FREM3: variants seen among roughly 807,000 people sequenced by gnomAD.
The protein encoded by FREM3 is FRAS1-related extracellular matrix protein 3.
A neutral mutation model predicts 129.1 loss-of-function variants in FREM3; 105 were observed. The observed-to-expected ratio is 0.81, with a 90% CI of 0.69 to 0.96. FREM3 has a LOEUF of 0.96. Among genes scored for constraint, FREM3 ranks in the 40% least tolerant of loss-of-function variants. The probability of loss-of-function intolerance (pLI) is 0.00; values close to 1 mark genes in which losing one functional copy is unlikely to be tolerated. For synonymous variants in FREM3, 1,014 were observed against 1,044.9 expected, an observed-to-expected ratio of 0.97 and a Z score of 0.57; for missense variants, 2,593 against 2,666.3, an observed-to-expected ratio of 0.97 and a Z score of 0.61.
intron 7 of FREM3, among the ~76,000 whole-genome samples, chr4:143,580,627 A>G (rs1738113011): frequency 6.6e-6 from 1 of 152,080 alleles, no homozygotes; most frequent in Admixed American, 6.5e-5. Flanking sequence ...GGACTGCACA[A>G]CTTGCCTCCA....
chr4:143,609,960 G>T (rs1326036682), intron 6 of FREM3, among the ~76,000 whole-genome samples: 3 of 151,990 alleles, frequency 2.0e-5, no homozygotes, highest in Non-Finnish European at 4.4e-5. Flanking sequence ...TGGTTTAACA[G>T]AAAATATATA....
At chr4:143,594,795 C>T (rs1738438346) in intron 6 of FREM3, among the ~76,000 whole-genome samples, 1 of 152,186 alleles carries the variant, frequency 6.6e-6, no homozygotes, top group South Asian at 2.1e-4. Flanking sequence ...TATTGAGCAT[C>T]AGGAGATCTG....
chr4:143,606,702 A>G (rs1455014437), intron 6 of FREM3, among the ~76,000 whole-genome samples: 1 of 152,128 alleles, frequency 6.6e-6, no homozygotes, highest in Non-Finnish European at 1.5e-5. Context: ...ACCACTTAGT[A>G]CATTTAGCTT....
intron 6 of FREM3, among the ~76,000 whole-genome samples, chr4:143,591,308 T>C (rs893797031): frequency 5.1e-4 from 77 of 152,336 alleles, no homozygotes; most frequent in African/African-American, 1.8e-3. Context: ...CTCTTGCTTC[T>C]CTAGTTCTTT....
In FREM3 at chr4:143,696,845, C is replaced by T; in HGVS notation, c.3831G>A (p.Glu1277=). The change falls in exon 1 of 8, where the codon GAG becomes GAA. Residue 1277 remains glutamate (E), a synonymous_variant. Transcript: ENST00000329798. ...CACTCAGCCAGACCTCAAAACTGTC[C>T]TCTTTTGTCTCTGAGTCATCATGCT... is the stretch of plus-strand genomic sequence containing the variant. ...VYEHDDSETK[E]DSFEVWLSDG... 1 of 1,537,682 alleles carries T rather than the reference C, an allele frequency of 6.5e-7. No homozygotes were observed. The highest frequency in any genetic ancestry group is 8.7e-7 in the Non-Finnish European group (1 of 1,147,014).
At chr4:143,583,479 A>G (rs568121702) in intron 7 of FREM3, among the ~76,000 whole-genome samples, 2 of 152,248 alleles carry the variant, frequency 1.3e-5, no homozygotes, top group South Asian at 4.1e-4. Flanking sequence ...ATACTGTATA[A>G]GACAACTATC....
At chr4:143,616,819 G>C (rs1381408950) in intron 5 of FREM3, among the ~76,000 whole-genome samples, 2 of 150,342 alleles carry the variant, frequency 1.3e-5, no homozygotes, top group Non-Finnish European at 2.9e-5. Context: ...AAAGAAAAAA[G>C]AATCATCTGT....
At chr4:143,589,223 G>C (rs1297967518) in intron 6 of FREM3, among the ~76,000 whole-genome samples, 1 of 152,140 alleles carries the variant, frequency 6.6e-6, no homozygotes, top group Admixed American at 6.5e-5. Context: ...TTCTTTTGCT[G>C]TGCAGAAGTT....
Position 143,700,245 on chromosome 4 carries a change from C to T in FREM3, c.431G>A (p.Arg144His), listed in dbSNP as rs778722454. ...CAGAGTGTGAGTCGGGGCGTCGTAG[C>T]GCAGCTGCAGCAGCACCCGGGCGCG... ...PGRARVLLQL[R>H]YDAPTHTLVL... Residue 144 changes from arginine to histidine, a missense_variant, in exon 1 of 8, where the codon CGC (arginine) becomes CAC (histidine). Arg to His is a conservative substitution (Grantham distance 29). Transcript: ENST00000329798. The T allele has an allele frequency of 6.5e-7, 1 of 1,536,510 alleles. No individual in the cohort carries two copies. The highest frequency in any genetic ancestry group is 8.7e-7 in the Non-Finnish European group (1 of 1,146,872).
In FREM3 at chr4:143,660,582, C is replaced by T. The variant is rs1192814949; in HGVS notation, c.5275+32531G>A. Among the ~76,000 whole-genome samples the T allele has an allele frequency of 3.3e-5, 5 of 152,058 alleles. No homozygotes were observed. The East Asian group carries it at 9.6e-4, about 29-fold the overall frequency. Reference sequence around the variant, plus strand: ...GGCGATGCGGGCTCTTTTTTGGTTCCATGTGAACTTTAAAGTAGTTTTTTC... The same window carrying T: ...GGCGATGCGGGCTCTTTTTTGGTTCTATGTGAACTTTAAAGTAGTTTTTTC... On this transcript the variant is annotated intron_variant, in intron 2 of 7. Transcript: ENST00000329798.
intron 5 of FREM3, among the ~76,000 whole-genome samples, chr4:143,611,851 G>A (rs1578834030): frequency 6.6e-6 from 1 of 152,144 alleles, no homozygotes; most frequent in Non-Finnish European, 1.5e-5. Context: ...GAAAACTGAG[G>A]TGTAGTAAAA....
intron 2 of FREM3, among the ~76,000 whole-genome samples, chr4:143,663,276 C>T (rs569904907): frequency 0.026 from 3,889 of 152,034 alleles, 169 homozygotes; most frequent in African/African-American, 0.088. Flanking sequence ...TAGGGCAGGC[C>T]TGGTGGTGAC....
At chr4:143,618,181 A>T (rs953764226) in intron 5 of FREM3, among the ~76,000 whole-genome samples, 1 of 152,114 alleles carries the variant, frequency 6.6e-6, no homozygotes, top group Non-Finnish European at 1.5e-5. Flanking sequence ...GTCAGCTAGG[A>T]TGGAGGAGTG....
chr4:143,641,763 C>G (rs1354662367), intron 2 of FREM3, among the ~76,000 whole-genome samples: 1 of 152,174 alleles, frequency 6.6e-6, no homozygotes, highest in African/African-American at 2.4e-5. Flanking sequence ...AAAGCTTCCA[C>G]TTAACTTACA....
At chr4:143,667,019 A>G (rs1739875216) in intron 2 of FREM3, among the ~76,000 whole-genome samples, 1 of 152,178 alleles carries the variant, frequency 6.6e-6, no homozygotes. Context: ...ATTATTACCA[A>G]AATTTAAAGT....
chr4:143,698,590 G>T lies in FREM3; in HGVS notation c.2086C>A (p.Gln696Lys). ...SKQHIFTIKVQPVDILSPQLY... is the reference protein window; with the variant it reads ...SKQHIFTIKVKPVDILSPQLY... The stretch of plus-strand genomic sequence containing the variant: ...TGTGGACTCAGTATATCCACTGGTT[G>T]GACCTTGATGGTGAAAATGTGCTGT... The change falls in exon 1 of 8, where the codon CAA (glutamine) becomes AAA (lysine). Residue 696 changes from glutamine (Q) to lysine (K), a missense_variant. By Grantham distance (53) the Gln-to-Lys change is moderately conservative. Around this residue, in one of 2 missense-constraint regions of FREM3, gnomAD observed 2,276 missense variants for 2,267.2 expected, o/e 1.00. Transcript: ENST00000329798. 1 of 1,537,740 alleles carries T rather than the reference G, an allele frequency of 6.5e-7. No homozygotes were observed.
At chr4:143,619,392 C>T (rs985449296) in intron 5 of FREM3, among the ~76,000 whole-genome samples, 1 of 152,104 alleles carries the variant, frequency 6.6e-6, no homozygotes, top group Non-Finnish European at 1.5e-5. Flanking sequence ...AATTTTTTCT[C>T]TTTTGCAAAA....
At chr4:143,606,508 C>T (rs1045336627) in intron 6 of FREM3, among the ~76,000 whole-genome samples, 2 of 151,872 alleles carry the variant, frequency 1.3e-5, no homozygotes, top group South Asian at 4.1e-4. Context: ...CACTAGATGG[C>T]CACCAGTATC....
chr4:143,640,133 C>G (rs1018585771), intron 2 of FREM3, among the ~76,000 whole-genome samples: 6 of 152,150 alleles, frequency 3.9e-5, no homozygotes, highest in Non-Finnish European at 8.8e-5. Context: ...CTCTGCTACC[C>G]TTGCACATAC....
Sources: allele counts gnomAD v4.1 joint callset (sites outside exome capture counted in the v4.1 genomes callset), GRCh38; gene constraint gnomAD v4.1.1; regional missense constraint gnomAD v4.1.1; transcripts MANE v1.5; gene names NCBI Gene and HGNC (gene_info 2026-07-23, HGNC 2026-07-21).